Variants in PDE4B observed in about 807,000 individuals in gnomAD.
PDE4B encodes the protein 3',5'-cyclic-AMP phosphodiesterase 4B.
In PDE4B, 20 loss-of-function variants were observed where a neutral mutation model predicts 82.2. That is an observed-to-expected ratio of 0.24 (90% CI 0.17 to 0.35). PDE4B has a LOEUF of 0.35. PDE4B is among the 10% of genes least tolerant of loss of function. PDE4B has a pLI of 1.00. For missense variants in PDE4B, 655 were observed against 907.2 expected, an observed-to-expected ratio of 0.72 and a Z score of 3.57; for synonymous variants, 320 against 318.9, an observed-to-expected ratio of 1.00 and a Z score of -0.04.
chr1:66,023,800 G>A (rs1211607290), intron 3 of PDE4B, among the ~76,000 whole-genome samples: 1 of 152,054 alleles, frequency 6.6e-6, no homozygotes, highest in African/African-American at 2.4e-5. Flanking sequence ...TAATGTTTAG[G>A]AGATAAAGCC....
At chr1:66,245,859 GA>G (rs1406880212) in intron 3 of PDE4B, among the ~76,000 whole-genome samples, 15 of 152,174 alleles carry the variant, frequency 9.9e-5, no homozygotes, top group Admixed American at 4.6e-4. Flanking sequence ...GGTCTCTGGG[GA>G]AGCCTTATAA....
Position 65,887,182 on chromosome 1 carries a change from C to CTT in PDE4B, c.-70-26063_-70-26062insTT, listed in dbSNP as rs1210175472. Among the ~76,000 whole-genome samples, 3 of 125,562 alleles carry CTT rather than the reference C, an allele frequency of 2.4e-5. No homozygotes were observed. The East Asian group carries it at 7.7e-4, about 32-fold the overall frequency. The allele number at this position is 125,562 out of a possible 152,430, so 82.4% of individuals were successfully genotyped here. Reference sequence around the variant, plus strand: ...TCCTTCCTTCCTTCCCTCCCTCCCTCCCTTTTTCTTTCTTTCTTTCTTTCT... The same window carrying CTT: ...TCCTTCCTTCCTTCCCTCCCTCCCTCTTCCTTTTTCTTTCTTTCTTTCTTTCT... On this transcript the variant is annotated intron_variant, in intron 1 of 16. Coordinates refer to ENST00000341517, the MANE Select transcript of PDE4B (RefSeq NM_002600.4).
At chr1:65,862,029 A>G (rs760804203) in intron 1 of PDE4B, among the ~76,000 whole-genome samples, 3 of 152,038 alleles carry the variant, frequency 2.0e-5, no homozygotes, top group Non-Finnish European at 4.4e-5. Context: ...TCCTATTTCA[A>G]TAAGCTTTAT....
intron 3 of PDE4B, among the ~76,000 whole-genome samples, chr1:65,925,472 G>A (rs528354848): frequency 9.2e-4 from 140 of 152,104 alleles, no homozygotes; most frequent in African/African-American, 3.2e-3. Flanking sequence ...ACAAAATCAA[G>A]AAGCAAAACT....
At chr1:66,322,677 G>A (rs907489095) in intron 7 of PDE4B, among the ~76,000 whole-genome samples, 2 of 151,960 alleles carry the variant, frequency 1.3e-5, no homozygotes, top group Non-Finnish European at 2.9e-5. Context: ...TGGAGAGGAT[G>A]TGGAGAAATA....
intron 3 of PDE4B, among the ~76,000 whole-genome samples, chr1:66,065,666 A>G (rs1263260118): frequency 1.3e-5 from 2 of 151,848 alleles, no homozygotes; most frequent in African/African-American, 4.8e-5. Context: ...TTAGTCATCT[A>G]GTCCAACTTC....
intron 3 of PDE4B, among the ~76,000 whole-genome samples, chr1:66,036,366 G>A (rs1281992986): frequency 1.3e-5 from 2 of 152,020 alleles, no homozygotes; most frequent in Non-Finnish European, 1.5e-5. Flanking sequence ...TATTGCCTGT[G>A]CTTTTGGGGT....
intron 3 of PDE4B, among the ~76,000 whole-genome samples, chr1:66,110,638 CTGGGTAAACT>C (rs1396019716): frequency 1.3e-5 from 2 of 152,006 alleles, no homozygotes; most frequent in African/African-American, 4.8e-5. Context: ...ACAATAACAG[CTGGGTAAACT>C]TGGGAATGTT....
intron 8 of PDE4B, among the ~76,000 whole-genome samples, chr1:66,352,493 A>G (rs1473091575): frequency 7.9e-5 from 12 of 152,224 alleles, no homozygotes; most frequent in Admixed American, 7.2e-4. Context: ...GGAAGACTAT[A>G]GAAAGAAAAT....
chr1:66,116,876 T>A (rs1252445469), intron 3 of PDE4B, among the ~76,000 whole-genome samples: 1 of 152,226 alleles, frequency 6.6e-6, no homozygotes, highest in Admixed American at 6.5e-5. Context: ...ATATAAAGAC[T>A]TCTAGACAAG....
chr1:66,265,217 G>T (rs1044558630), intron 6 of PDE4B, among the ~76,000 whole-genome samples: 1 of 152,184 alleles, frequency 6.6e-6, no homozygotes, highest in Non-Finnish European at 1.5e-5. Context: ...AGACTTCCAG[G>T]TGATTCTGAT....
chr1:65,941,215 C>A lies in PDE4B; in HGVS notation c.281+22380C>A, dbSNP rs115948431. Among the ~76,000 whole-genome samples the A allele has an allele frequency of 9.2e-3, 1,403 of 152,102 alleles. 27 individuals carry two copies. Among genetic ancestry groups the A allele is most frequent in the African/African-American group, 0.032 (1,322 of 41,498 alleles). ...CTTGCCAAGGAGTGCAGAGGAATTTCTCTTCTTTGGGAAGAGGAGAGCTTG... is the reference window on the plus strand; with the variant it reads ...CTTGCCAAGGAGTGCAGAGGAATTTATCTTCTTTGGGAAGAGGAGAGCTTG... On this transcript the variant is annotated intron_variant, in intron 3 of 16. Coordinates refer to ENST00000341517, the MANE Select transcript of PDE4B (RefSeq NM_002600.4).
At chr1:66,211,307 C>G (rs1003290849) in intron 3 of PDE4B, among the ~76,000 whole-genome samples, 1 of 152,194 alleles carries the variant, frequency 6.6e-6, no homozygotes, top group African/African-American at 2.4e-5. Context: ...TCTCTTCTCT[C>G]TCCTTAAATT....
intron 7 of PDE4B, among the ~76,000 whole-genome samples, chr1:66,306,179 G>A (rs1226196646): frequency 6.6e-6 from 1 of 152,142 alleles, no homozygotes; most frequent in Non-Finnish European, 1.5e-5. Flanking sequence ...AATGATAAGA[G>A]CATGAGATGT....
At chr1:66,215,819 T>TA (rs1400058224) in intron 3 of PDE4B, among the ~76,000 whole-genome samples, 2 of 152,034 alleles carry the variant, frequency 1.3e-5, no homozygotes, top group African/African-American at 4.8e-5. Context: ...AAAGGAGAGC[T>TA]AAAGGGATGA....
intron 3 of PDE4B, among the ~76,000 whole-genome samples, chr1:66,150,593 C>G (rs1373795202): frequency 6.6e-6 from 1 of 152,138 alleles, no homozygotes; most frequent in Non-Finnish European, 1.5e-5. Flanking sequence ...GTGGCAAGAG[C>G]AGACAGCCTC....
intron 7 of PDE4B, among the ~76,000 whole-genome samples, chr1:66,322,009 A>T (rs12407566): frequency 0.036 from 5,419 of 152,278 alleles, 178 homozygotes; most frequent in African/African-American, 0.076. Flanking sequence ...AGTCCTCAGA[A>T]ATAACACCAC....
intron 3 of PDE4B, among the ~76,000 whole-genome samples, chr1:66,240,486 A>G (rs1204750318): frequency 1.3e-5 from 2 of 152,226 alleles, no homozygotes; most frequent in East Asian, 3.8e-4. Flanking sequence ...GTGAAGTGCA[A>G]TAGACAACCT....
intron 3 of PDE4B, among the ~76,000 whole-genome samples, chr1:66,189,872 G>A (rs1477100738): frequency 3.3e-5 from 5 of 152,136 alleles, no homozygotes; most frequent in African/African-American, 1.2e-4. Flanking sequence ...TTCCATTGCT[G>A]GTGAGGAGCT....
Sources: gnomAD v4.1 joint callset for allele counts (sites outside exome capture counted in the v4.1 genomes callset) on GRCh38, gnomAD v4.1.1 for gene constraint, MANE v1.5 for transcripts, NCBI Gene and HGNC (gene_info 2026-07-23, HGNC 2026-07-21) for gene names.